AEBP2: variants seen among roughly 807,000 people sequenced by gnomAD.
The protein encoded by AEBP2 is AE binding protein 2, also known as zinc finger protein AEBP2.
In AEBP2, 10 loss-of-function variants were observed where a neutral mutation model predicts 50.8. The ratio of observed to expected loss-of-function variants is 0.20; its 90% CI spans 0.12 to 0.33. The LOEUF is 0.33. Ranked by LOEUF, AEBP2 falls within the 10% of genes least tolerant of loss-of-function variation. AEBP2 has a pLI of 1.00. For synonymous variants in AEBP2, 296 were observed against 261.3 expected, an observed-to-expected ratio of 1.13 and a Z score of -1.28; for missense variants, 570 against 688.0, an observed-to-expected ratio of 0.83 and a Z score of 1.92.
At chr12:19,517,351 T>C (rs1196414694) in intron 7 of AEBP2, among the ~76,000 whole-genome samples, 1 of 152,218 alleles carries the variant, frequency 6.6e-6, no homozygotes, top group South Asian at 2.1e-4. Context: ...AATATACAGT[T>C]GGTCCTGTGT....
chr12:19,516,783 T>C (rs917872850), intron 7 of AEBP2, among the ~76,000 whole-genome samples: 1 of 152,098 alleles, frequency 6.6e-6, no homozygotes, highest in South Asian at 2.1e-4. Flanking sequence ...TCCCAACACT[T>C]TGGGAGGCCG....
At chr12:19,481,809 A>G (rs2153374773) in intron 3 of AEBP2, among the ~76,000 whole-genome samples, 1 of 152,036 alleles carries the variant, frequency 6.6e-6, no homozygotes, top group East Asian at 1.9e-4. Flanking sequence ...TCTAAGTGTG[A>G]CTTTTATTTC....
intron 1 of AEBP2, among the ~76,000 whole-genome samples, chr12:19,460,222 C>G (rs1948348233): frequency 6.6e-6 from 1 of 152,100 alleles, no homozygotes; most frequent in Non-Finnish European, 1.5e-5. Context: ...CATCCCCCCA[C>G]CCCTCACAAT....
Position 19,448,666 on chromosome 12 carries a change from A to G in AEBP2, c.671+8296A>G, listed in dbSNP as rs142593521. On this transcript the variant is annotated intron_variant, in intron 1 of 7. Transcript: ENST00000266508. The stretch of plus-strand genomic sequence containing the variant: ...TTAGTGTGGCTGATTAAAGAAAAAG[A>G]GAACAGTTTTTTTTTGTTTTGTTTG... Among the ~76,000 whole-genome samples, 181 of 152,228 alleles carry G rather than the reference A, an allele frequency of 1.2e-3. 1 individual carries two copies. The highest frequency in any genetic ancestry group is 4.1e-3 in the African/African-American group (170 of 41,546).
intron 3 of AEBP2, among the ~76,000 whole-genome samples, chr12:19,479,098 A>ATGCGGGAGGCTGAAGTGGGAGGAT (rs1948690934): frequency 6.6e-6 from 1 of 152,156 alleles, no homozygotes; most frequent in Non-Finnish European, 1.5e-5. Context: ...AGTCCTAGCT[A>ATGCGGGAGGCTGAAGTGGGAGGAT]TGCGGGAGGC....
intron 2 of AEBP2, among the ~76,000 whole-genome samples, chr12:19,466,167 T>G (rs1207704590): frequency 3.3e-5 from 5 of 151,954 alleles, no homozygotes; most frequent in Non-Finnish European, 7.4e-5. Flanking sequence ...TTCTTTGAAA[T>G]GAACTTTAAA....
chr12:19,458,425 G>C (rs1226743332), intron 1 of AEBP2, among the ~76,000 whole-genome samples: 1 of 152,174 alleles, frequency 6.6e-6, no homozygotes, highest in African/African-American at 2.4e-5. Flanking sequence ...TCCAGGACGT[G>C]CCTCTCACCT....
chr12:19,416,223 C>T (rs1388641702), intron 1 of AEBP2, among the ~76,000 whole-genome samples: 1 of 152,092 alleles, frequency 6.6e-6, no homozygotes, highest in Non-Finnish European at 1.5e-5. Context: ...ACTTTGGTTA[C>T]TTGTATCTGC....
In AEBP2 at chr12:19,468,113, C is replaced by T. The variant is rs1348938168; in HGVS notation, c.880-5135C>T. On this transcript the variant is annotated intron_variant, in intron 2 of 7. Coordinates refer to ENST00000266508, the MANE Select transcript of AEBP2 (RefSeq NM_153207.5). Reference sequence around the variant, plus strand: ...GTACCGTGGAATCATCCATCCAACCCCTCTGCCTGACTTTGTGTGTGTGTG... The same window carrying T: ...GTACCGTGGAATCATCCATCCAACCTCTCTGCCTGACTTTGTGTGTGTGTG... Among the ~76,000 whole-genome samples, 7 of 85,542 alleles carry T rather than the reference C, an allele frequency of 8.2e-5. No homozygotes were observed. In the East Asian group the frequency reaches 2.1e-3, roughly 25 times the overall value. The allele number at this position is 85,542 out of a possible 152,430, so 56.1% of individuals were successfully genotyped here.
chr12:19,472,942 A>G (rs1283279944), intron 2 of AEBP2, among the ~76,000 whole-genome samples: 1 of 152,106 alleles, frequency 6.6e-6, no homozygotes, highest in Non-Finnish European at 1.5e-5. Flanking sequence ...TAAATACAAA[A>G]ATGTAAATAA....
chr12:19,465,228 A>G (rs763886415), intron 2 of AEBP2, among the ~76,000 whole-genome samples: 4 of 151,848 alleles, frequency 2.6e-5, no homozygotes, highest in Non-Finnish European at 5.9e-5. Context: ...CCCCGTCTCT[A>G]CTAAAAAATA....
chr12:19,413,583 A>C, intron 1 of AEBP2: 2 of 618,458 alleles, frequency 3.2e-6, no homozygotes, highest in South Asian at 3.7e-5. Flanking sequence ...GTTATGCAAA[A>C]TAAAAAAAAA....
chr12:19,405,650 T>C (rs1218711582), intron 1 of AEBP2, among the ~76,000 whole-genome samples: 5 of 152,050 alleles, frequency 3.3e-5, no homozygotes, highest in African/African-American at 4.8e-5. Flanking sequence ...AAATTCAAGA[T>C]TTTCCTCTAT....
intron 4 of AEBP2, among the ~76,000 whole-genome samples, chr12:19,494,787 A>T (rs547514071): frequency 6.6e-6 from 1 of 152,202 alleles, no homozygotes; most frequent in African/African-American, 2.4e-5. Context: ...GATGTTTAGG[A>T]TAGAAAATAA....
chr12:19,463,042 C>G (rs1322385908), intron 2 of AEBP2, among the ~76,000 whole-genome samples: 1 of 152,174 alleles, frequency 6.6e-6, no homozygotes, highest in African/African-American at 2.4e-5. Context: ...AGAATTAGCA[C>G]TTTCTTGATT....
At chr12:19,472,325 C>T (rs1948585217) in intron 2 of AEBP2, among the ~76,000 whole-genome samples, 1 of 152,124 alleles carries the variant, frequency 6.6e-6, no homozygotes, top group Non-Finnish European at 1.5e-5. Context: ...GATAATGATT[C>T]TTTCAAGATA....
chr12:19,467,976 A>T (rs1453492615), intron 2 of AEBP2, among the ~76,000 whole-genome samples: 1 of 152,020 alleles, frequency 6.6e-6, no homozygotes, highest in African/African-American at 2.4e-5. Context: ...AGCACTCAGG[A>T]GGTCAAGGTT....
At chr12:19,503,016 C>G (rs763934246) in intron 5 of AEBP2, among the ~76,000 whole-genome samples, 1 of 152,066 alleles carries the variant, frequency 6.6e-6, no homozygotes, top group East Asian at 1.9e-4. Context: ...AGTTTGAAGT[C>G]GGGTAAGGTG....
chr12:19,431,680 G>C (rs1303152516), intron 1 of AEBP2, among the ~76,000 whole-genome samples: 4 of 152,178 alleles, frequency 2.6e-5, no homozygotes, highest in African/African-American at 7.2e-5. Flanking sequence ...ATTTGGTCAT[G>C]TTTTGGTTGG....
Sources: allele counts gnomAD v4.1 joint callset (sites outside exome capture counted in the v4.1 genomes callset), GRCh38; gene constraint gnomAD v4.1.1; transcripts MANE v1.5; gene names NCBI Gene and HGNC (gene_info 2026-07-23, HGNC 2026-07-21).